PALLD: variants seen among roughly 807,000 people sequenced by gnomAD.
The protein encoded by PALLD is palladin, cytoskeletal associated protein.
PALLD carries 61 observed loss-of-function variants against 123.5 expected under a neutral mutation model. The ratio of observed to expected loss-of-function variants is 0.49; its 90% CI spans 0.40 to 0.61. The LOEUF is 0.61. Ranked by LOEUF, PALLD falls within the 20% of genes least tolerant of loss-of-function variation. The probability of loss-of-function intolerance (pLI) is 0.00; values close to 1 mark genes in which losing one functional copy is unlikely to be tolerated. For synonymous variants in PALLD, 465 were observed against 496.4 expected, an observed-to-expected ratio of 0.94 and a Z score of 0.84; for missense variants, 1,273 against 1,377.0, an observed-to-expected ratio of 0.92 and a Z score of 1.20.
chr4:168,645,304 A>G (rs904647870), intron 2 of PALLD, among the ~76,000 whole-genome samples: 7 of 152,166 alleles, frequency 4.6e-5, no homozygotes, highest in Non-Finnish European at 7.3e-5. Context: ...CCTGATATGT[A>G]TCAGTAGTAG....
In PALLD at chr4:168,647,554, G is replaced by C. The variant is rs530057007; in HGVS notation, c.909-20636G>C. ...CCAGCACTTTGGGAGGCCAAGGCAG[G>C]CACGTCATCTGAGGTCAGGAGTTCG... On this transcript the variant is annotated intron_variant, in intron 2 of 21. Coordinates refer to ENST00000505667, the MANE Select transcript of PALLD (RefSeq NM_001166108.2). 8.5e-5 allele frequency among the ~76,000 whole-genome samples: 13 copies of C among 152,268 alleles called. No individual in the cohort carries two copies. The East Asian group carries it at 2.5e-3, about 29-fold the overall frequency.
intron 2 of PALLD, among the ~76,000 whole-genome samples, chr4:168,661,246 T>G (rs547994411): frequency 6.6e-6 from 1 of 152,252 alleles, no homozygotes; most frequent in South Asian, 2.1e-4. Flanking sequence ...CTAAGCTCAT[T>G]AGGTAAAATA....
intron 2 of PALLD, among the ~76,000 whole-genome samples, chr4:168,565,280 A>G (rs774713819): frequency 6.6e-6 from 1 of 152,116 alleles, no homozygotes; most frequent in Non-Finnish European, 1.5e-5. Flanking sequence ...ATATTCATTG[A>G]ATGTTTATTA....
intron 2 of PALLD, among the ~76,000 whole-genome samples, chr4:168,603,001 C>T (rs948472795): frequency 6.6e-6 from 1 of 152,122 alleles, no homozygotes; most frequent in African/African-American, 2.4e-5. Flanking sequence ...CCCCTGAGCT[C>T]AAGCGAGCCT....
chr4:168,675,120 A>G (rs1303395009), intron 3 of PALLD, among the ~76,000 whole-genome samples: 1 of 152,236 alleles, frequency 6.6e-6, no homozygotes, highest in Non-Finnish European at 1.5e-5. Context: ...TGTGATTGTA[A>G]AATGAATTAC....
At position 168,804,927 on chromosome 4, in the gene PALLD, A is replaced by G. The variant is rs537599160; in HGVS notation, c.1965-85995A>G. On this transcript the variant is annotated intron_variant, in intron 10 of 21. Transcript: ENST00000505667. ...TGTAATCCCAACAGTTTGGGAGGCC[A>G]AGGCGGGCAGATCACGAGGTCAGGA... 2.6e-3 allele frequency among the ~76,000 whole-genome samples: 402 copies of G among 151,906 alleles called. 1 individual carries two copies. Among genetic ancestry groups the G allele is most frequent in the Middle Eastern group, 0.017 (5 of 292 alleles).
At chr4:168,779,592 A>G (rs982299435) in intron 10 of PALLD, among the ~76,000 whole-genome samples, 1 of 151,978 alleles carries the variant, frequency 6.6e-6, no homozygotes, top group African/African-American at 2.4e-5. Context: ...ATGAACATAC[A>G]TTTTTAGATT....
chr4:168,912,894 A>G (rs965681874), intron 15 of PALLD, among the ~76,000 whole-genome samples: 3 of 152,142 alleles, frequency 2.0e-5, no homozygotes, highest in Non-Finnish European at 4.4e-5. Context: ...TCAAAATTTC[A>G]ATTGACAAAT....
intron 18 of PALLD, among the ~76,000 whole-genome samples, chr4:168,922,104 C>T (rs111882308): frequency 6.0e-3 from 145 of 24,170 alleles, no homozygotes; most frequent in Non-Finnish European, 0.012. Context: ...TATATATATA[C>T]ACACACACAC....
chr4:168,916,434 A>G (rs910672276), intron 17 of PALLD, among the ~76,000 whole-genome samples: 6 of 152,060 alleles, frequency 3.9e-5, no homozygotes, highest in African/African-American at 1.4e-4. Flanking sequence ...TTCTAGCTTA[A>G]GGGGGGGAAA....
At chr4:168,638,963 TC>T (rs1385316466) in intron 2 of PALLD, among the ~76,000 whole-genome samples, 1 of 152,094 alleles carries the variant, frequency 6.6e-6, no homozygotes. Flanking sequence ...CTCCACACAT[TC>T]CTCTTTGGAA....
intron 10 of PALLD, among the ~76,000 whole-genome samples, chr4:168,861,089 T>C (rs939104507): frequency 6.6e-6 from 1 of 152,178 alleles, no homozygotes; most frequent in African/African-American, 2.4e-5. Flanking sequence ...ACTTAGGAAA[T>C]ATTTTTTGTT....
intron 10 of PALLD, among the ~76,000 whole-genome samples, chr4:168,773,121 T>TA (rs893531359): frequency 2.6e-5 from 4 of 152,246 alleles, no homozygotes; most frequent in African/African-American, 9.6e-5. Flanking sequence ...TAGTAACAAG[T>TA]AAAATTAGTA....
intron 10 of PALLD, among the ~76,000 whole-genome samples, chr4:168,734,030 C>G (rs929849749): frequency 6.6e-6 from 1 of 152,176 alleles, no homozygotes; most frequent in African/African-American, 2.4e-5. Flanking sequence ...GCCACCACGC[C>G]CGGCCACAGA....
rs144214378 is a variant in PALLD, at chr4:168,847,809, C to T, written c.1965-43113C>T. 2.4e-3 allele frequency among the ~76,000 whole-genome samples: 366 copies of T among 152,052 alleles called. 3 individuals are homozygous for T. Among genetic ancestry groups the T allele is most frequent in the African/African-American group, 8.2e-3 (339 of 41,462 alleles). ...AAGCACTTATCCTTTGTATTACAAA[C>T]AATCCAGTTATACTCTTATACTTTC... is the stretch of plus-strand genomic sequence containing the variant. On this transcript the variant is annotated intron_variant, in intron 10 of 21. Transcript: ENST00000505667.
intron 15 of PALLD, among the ~76,000 whole-genome samples, chr4:168,913,552 A>G (rs1046363888): frequency 6.6e-6 from 1 of 152,168 alleles, no homozygotes; most frequent in Non-Finnish European, 1.5e-5. Flanking sequence ...GACCATGAAA[A>G]TGGAATCTTC....
intron 2 of PALLD, among the ~76,000 whole-genome samples, chr4:168,554,335 C>G (rs958295852): frequency 1.9e-4 from 29 of 152,158 alleles, no homozygotes; most frequent in Admixed American, 2.6e-4. Flanking sequence ...CTCCAATACC[C>G]TTATTGAGTT....
chr4:168,580,706 A>G (rs1357936784), intron 2 of PALLD, among the ~76,000 whole-genome samples: 2 of 152,144 alleles, frequency 1.3e-5, no homozygotes, highest in East Asian at 3.9e-4. Flanking sequence ...CACAACAGCA[A>G]AAACATGGAA....
chr4:168,565,940 T>A (rs994768996), intron 2 of PALLD, among the ~76,000 whole-genome samples: 2 of 152,104 alleles, frequency 1.3e-5, no homozygotes, highest in African/African-American at 4.8e-5. Flanking sequence ...AATTAGTGTG[T>A]TTTGTGTTAT....
Sources: gnomAD v4.1 joint callset for allele counts (sites outside exome capture counted in the v4.1 genomes callset) on GRCh38, gnomAD v4.1.1 for gene constraint, MANE v1.5 for transcripts, NCBI Gene and HGNC (gene_info 2026-07-23, HGNC 2026-07-21) for gene names.